The following FER1L5 variants were observed in gnomAD, a reference collection of about 807,000 sequenced individuals.
FER1L5 encodes the protein fer-1 like family member 5, also known as fer-1-like protein 5.
A neutral mutation model predicts 279.9 loss-of-function variants in FER1L5; 187 were observed. That is an observed-to-expected ratio of 0.67 (90% CI 0.59 to 0.75). The LOEUF (loss-of-function observed/expected upper bound fraction) is 0.75. FER1L5 is among the 30% of genes least tolerant of loss of function. The pLI is 0.00. For synonymous variants in FER1L5, 921 were observed against 989.7 expected (o/e 0.93, Z 1.30); for missense variants, 2,091 against 2,594.4 (o/e 0.81, Z 4.21).
intron 4 of FER1L5, among the ~76,000 whole-genome samples, chr2:96,649,259 T>C (rs2075268128): frequency 6.6e-6 from 1 of 152,014 alleles, no homozygotes; most frequent in Non-Finnish European, 1.5e-5. Context: ...GTGCAGGGCC[T>C]CCCACATGAG....
rs1270283546 is a variant in FER1L5, at chr2:96,686,128, C to G, written c.2073+11C>G. 5 of 1,548,942 alleles carry G rather than the reference C, an allele frequency of 3.2e-6. No individual in the cohort carries two copies. In the South Asian group the frequency reaches 6.0e-5, roughly 18 times the overall value. The stretch of plus-strand genomic sequence containing the variant: ...ACCGTGCTCCCTGAGGTGGGTGCTG[C>G]ACACACTGGCCTGCAGCAGGGCTGG... On this transcript the variant is annotated intron_variant, in intron 22 of 52. Coordinates refer to ENST00000624922, the MANE Select transcript of FER1L5 (RefSeq NM_001293083.2).
Position 96,694,190 on chromosome 2 carries a change from G to C in FER1L5, c.3636+118G>C. On this transcript the variant is annotated intron_variant, in intron 33 of 52. Transcript: ENST00000624922. This position sits in a 1 kb window ranked among gnomAD's most constrained non-coding sequence, Gnocchi z 4.6. ...GGAAATGCCTGGGGCCCAGGATCCC[G>C]AGCTGTGGGCTTGGTGACGCTGGCC... is the stretch of plus-strand genomic sequence containing the variant. The C allele has an allele frequency of 2.1e-6, 3 of 1,404,398 alleles. No individual in the cohort carries two copies. Among genetic ancestry groups the C allele is most frequent in the Non-Finnish European group, 2.8e-6 (3 of 1,060,076 alleles). 87.0% of individuals were successfully genotyped at this position (1,404,398 alleles called of 1,614,324 possible). A position where few individuals can be genotyped will look rare whatever the true frequency, so the allele number is the denominator to read the frequency against.
Position 96,691,851 on chromosome 2 carries a change from G to A in FER1L5, c.3102G>A (p.Gly1034=), listed in dbSNP as rs1297995287. ...CTATGGATCTGAAATACCACGCTGG[G>A]AAGGAAGAGGACAGCAAGACATGGC... The part of the protein sequence containing the change: ...SLAMDLKYHA[G]KEEDSKTWPW... Residue 1034 remains glycine, a synonymous_variant, in exon 30 of 53, where the codon GGG becomes GGA. Transcript: ENST00000624922. The surrounding 1 kb of genome is among the most constrained non-coding windows in gnomAD (Gnocchi z 6.0). The A allele has an allele frequency of 1.9e-6, 3 of 1,551,608 alleles. No individual in the cohort carries two copies. The highest frequency in any genetic ancestry group is 1.7e-6 in the Non-Finnish European group (2 of 1,146,982).
rs747918474 is a variant in FER1L5, at chr2:96,700,476, G to A, written c.5070+5G>A. 1.2e-6 allele frequency: 2 copies of A among 1,612,806 alleles called. No homozygotes were observed. The highest frequency in any genetic ancestry group is 1.3e-5 in the African/African-American group (1 of 74,924). On this transcript the variant is annotated splice_donor_5th_base_variant and intron_variant, in intron 45 of 52. Transcript: ENST00000624922. ...AGCCAGCCAGGCATCGACCAGGTAT[G>A]AGACTGGAGGGGCCACTCCTGGCTC...
chr2:96,659,392 T>TCCTTCCTTCCTTC (rs2075802192), intron 9 of FER1L5, among the ~76,000 whole-genome samples: 1 of 8,332 alleles, frequency 1.2e-4, no homozygotes, highest in Non-Finnish European at 1.8e-4. Flanking sequence ...TTTCTTTCTT[T>TCCTTCCTTCCTTC]CTTTCTTTCT....
rs568018714 is a variant in FER1L5 at position 96,685,581 on chromosome 2, G to A, written c.1895+152G>A. On this transcript the variant is annotated intron_variant, in intron 21 of 52. Coordinates refer to ENST00000624922, the MANE Select transcript of FER1L5 (RefSeq NM_001293083.2). ...TCCCCAGCGGGAAACCCCAAGAGTC[G>A]CTTCTCCCTTCCCATTCAGGCCCCC... 6.6e-5 allele frequency among the ~76,000 whole-genome samples: 10 copies of A among 152,252 alleles called. No homozygotes were observed. The East Asian group carries it at 1.4e-3, about 21-fold the overall frequency.
intron 19 of FER1L5, among the ~76,000 whole-genome samples, chr2:96,676,632 T>TTCG (rs1344250822): frequency 7.1e-6 from 1 of 140,596 alleles, no homozygotes; most frequent in Non-Finnish European, 1.6e-5. Flanking sequence ...GTATTTTTTG[T>TTCG]TTTTTTTTTT....
chr2:96,671,977 T>G (rs934132486), intron 18 of FER1L5, among the ~76,000 whole-genome samples: 1 of 152,008 alleles, frequency 6.6e-6, no homozygotes, highest in African/African-American at 2.4e-5. Flanking sequence ...GAAACCTGAT[T>G]GAAAAGCTGG....
rs1417550091 is a variant in FER1L5 at position 96,698,635 on chromosome 2, TGCCAGG to T, written c.4357-35_4357-30del. The T allele has an allele frequency of 1.3e-6, 2 of 1,548,448 alleles. No homozygotes were observed. Among genetic ancestry groups the T allele is most frequent in the South Asian group, 2.4e-5 (2 of 84,088 alleles). On this transcript the variant is annotated intron_variant, in intron 40 of 52. Transcript: ENST00000624922. The surrounding 1 kb of genome is among the most constrained non-coding windows in gnomAD (Gnocchi z 5.5). ...AGGGCTTTACAGAGCTGGCCAGCACTGCCAGGCTGGGCCCCCAACACCCTCCCCCCG... is the reference window on the plus strand; with the variant it reads ...AGGGCTTTACAGAGCTGGCCAGCACTCTGGGCCCCCAACACCCTCCCCCCG...
intron 6 of FER1L5, among the ~76,000 whole-genome samples, chr2:96,651,247 C>CTT (rs775297435): frequency 1.0e-5 from 1 of 99,382 alleles, no homozygotes; most frequent in African/African-American, 3.7e-5. Context: ...CTCTTTCTTT[C>CTT]TTTCTTTCTT....
At chr2:96,669,215 C>A in intron 17 of FER1L5, 78 bp downstream of exon 17, 1 of 1,359,952 alleles carries the variant, frequency 7.4e-7, no homozygotes, top group Non-Finnish European at 9.9e-7. Context: ...TGGGACGTGC[C>A]CCGAGGCCCC....
chr2:96,703,046 C>T lies in FER1L5; in HGVS notation c.5466C>T (p.Asp1822=). 6.2e-7 allele frequency: 1 copy of T among 1,613,630 alleles called. No homozygotes were observed. Among genetic ancestry groups the T allele is most frequent in the African/African-American group, 1.3e-5 (1 of 75,040 alleles). ...CCCGACTTATCATCCAGGTCTGGGA[C>T]AATGACATCTTCTCCCCCGACGACT... ...FPARLIIQVW[D]NDIFSPDDFL... Residue 1822 remains aspartate (D), a synonymous_variant, in exon 49 of 53, where the codon GAC becomes GAT. Transcript: ENST00000624922.
rs2077067573 is a variant in FER1L5 at position 96,689,716 on chromosome 2, C to T, written c.2598C>T (p.Thr866=). 1.3e-6 allele frequency: 2 copies of T among 1,550,378 alleles called. No homozygotes were observed. The highest frequency in any genetic ancestry group is 1.7e-6 in the Non-Finnish European group (2 of 1,146,760). Residue 866 remains threonine (T), a synonymous_variant, in exon 26 of 53, where the codon ACC becomes ACT. Transcript: ENST00000624922. The surrounding 1 kb of genome is among the most constrained non-coding windows in gnomAD (Gnocchi z 4.6). The part of the protein sequence containing the change: ...EEVYENQGRD[T]RGAWGPAAIP... The stretch of plus-strand genomic sequence containing the variant: ...TATATGAGAACCAGGGCCGTGACAC[C>T]AGAGGGGCCTGGGGGCCTGCCGCCA...
intron 19 of FER1L5, among the ~76,000 whole-genome samples, chr2:96,683,640 C>T (rs2076814473): frequency 6.6e-6 from 1 of 152,162 alleles, no homozygotes; most frequent in African/African-American, 2.4e-5. Context: ...TAGGCTTTCT[C>T]TTCTGCCCCC....
At position 96,642,823 on chromosome 2, in the gene FER1L5, A is replaced by G. The variant is rs1171580351; in HGVS notation, c.-14A>G. The G allele has an allele frequency of 7.1e-6, 11 of 1,549,998 alleles. No individual in the cohort carries two copies. Among genetic ancestry groups the G allele is most frequent in the Non-Finnish European group, 9.6e-6 (11 of 1,146,310 alleles). On this transcript the variant is annotated 5_prime_UTR_variant, in exon 1 of 53. Transcript: ENST00000624922. The stretch of plus-strand genomic sequence containing the variant: ...CGCTGCGTAGGGAAGGAGGGAAGAA[A>G]GTAGGTCTCCGAGATGCTGCGGCTT...
rs143021851 is a variant in FER1L5 at position 96,670,761 on chromosome 2, G to A, written c.1491+514G>A. ...AGATTGTGCCACTGCACTCCAGGCT[G>A]GGCAACAAAGCAAGACTCCGTCTGA... On this transcript the variant is annotated intron_variant, in intron 18 of 52. Transcript: ENST00000624922. 7.6e-3 allele frequency among the ~76,000 whole-genome samples: 1,145 copies of A among 151,502 alleles called. 3 individuals carry two copies. Among genetic ancestry groups the A allele is most frequent in the Non-Finnish European group, 0.012 (844 of 67,892 alleles).
At chr2:96,649,886 C>G (rs1200898664) in intron 5 of FER1L5, among the ~76,000 whole-genome samples, 2 of 152,224 alleles carry the variant, frequency 1.3e-5, no homozygotes, top group Non-Finnish European at 2.9e-5. Flanking sequence ...TTTGTCATCT[C>G]TAGACATAAG....
chr2:96,645,821 TAAAAA>T (rs1358135220), intron 1 of FER1L5, among the ~76,000 whole-genome samples: 1 of 150,342 alleles, frequency 6.7e-6, no homozygotes, highest in African/African-American at 2.5e-5. Flanking sequence ...AAAGAAAAAA[TAAAAA>T]GAGAAACAAA....
chr2:96,647,011 C>T, intron 2 of FER1L5, 53 bp from the exon 3 acceptor site: 3 of 1,521,112 alleles, frequency 2.0e-6, no homozygotes, highest in East Asian at 4.9e-5. Flanking sequence ...TTCCTAGAAA[C>T]ATGGGATGGG....
Sources: gnomAD v4.1 joint callset for allele counts (sites outside exome capture counted in the v4.1 genomes callset) on GRCh38, gnomAD v4.1.1 for gene constraint, Gnocchi (gnomAD v3.1) non-coding constraint, MANE v1.5 for transcripts, NCBI Gene and HGNC (gene_info 2026-07-23, HGNC 2026-07-21) for gene names.